The following HOOK3 variants were observed in gnomAD, a reference collection of about 807,000 sequenced individuals.
HOOK3 encodes protein Hook homolog 3.
In HOOK3, 24 loss-of-function variants were observed where a neutral mutation model predicts 116.3. The observed-to-expected ratio is 0.21, with a 90% CI of 0.15 to 0.29. The LOEUF (loss-of-function observed/expected upper bound fraction) is 0.29, where lower values mean the gene tolerates loss of function less well. Ranked by LOEUF, HOOK3 falls within the 10% of genes least tolerant of loss-of-function variation. The pLI, the probability that HOOK3 is intolerant of heterozygous loss-of-function variation, is 1.00. For synonymous variants in HOOK3, 275 were observed against 283.0 expected (o/e 0.97, Z 0.28); for missense variants, 632 against 830.2 (o/e 0.76, Z 2.93).
intron 3 of HOOK3, among the ~76,000 whole-genome samples, chr8:42,929,576 A>G (rs904806027): frequency 9.9e-5 from 15 of 152,260 alleles, no homozygotes; most frequent in Non-Finnish European, 2.2e-4. Flanking sequence ...TTCACCTAAC[A>G]TTATGGCTCA....
At chr8:42,988,331 ATTTT>A (rs1809088061) in intron 15 of HOOK3, among the ~76,000 whole-genome samples, 3 of 152,142 alleles carry the variant, frequency 2.0e-5, no homozygotes, top group Non-Finnish European at 4.4e-5. Context: ...TCTGGGCTGT[ATTTT>A]AGCCATTTTA....
chr8:42,933,330 C>A (rs1448178244), intron 4 of HOOK3, among the ~76,000 whole-genome samples: 1 of 152,172 alleles, frequency 6.6e-6, no homozygotes, highest in African/African-American at 2.4e-5. Context: ...TTTCAGATCC[C>A]AATCCTTTAG....
intron 15 of HOOK3, among the ~76,000 whole-genome samples, chr8:42,996,435 G>A (rs1470569188): frequency 2.6e-5 from 4 of 151,514 alleles, no homozygotes; most frequent in African/African-American, 4.9e-5. Flanking sequence ...AAGTCAAGCC[G>A]TGGAATCAGC....
Position 42,999,597 on chromosome 8 carries a change from G to A in HOOK3, c.1620+1960G>A, listed in dbSNP as rs1809342060. 3.3e-5 allele frequency among the ~76,000 whole-genome samples: 5 copies of A among 152,310 alleles called. No individual in the cohort carries two copies. In the South Asian group the frequency reaches 6.2e-4, roughly 19 times the overall value. On this transcript the variant is annotated intron_variant, in intron 16 of 21. Transcript: ENST00000307602. ...CCTGCCAAAGGAAGTGGTCCCCTCT[G>A]GAGAAGAACAACATAATTTCTGCCA...
chr8:42,939,122 A>G (rs1247286641), intron 4 of HOOK3, among the ~76,000 whole-genome samples: 2 of 152,244 alleles, frequency 1.3e-5, no homozygotes, highest in Non-Finnish European at 2.9e-5. Context: ...ACCTCTTTCT[A>G]CACAGACAAC....
chr8:42,964,256 A>C (rs769211077), intron 8 of HOOK3, 55 bp from the exon 9 acceptor site: 1 of 1,528,380 alleles, frequency 6.5e-7, no homozygotes, highest in Non-Finnish European at 9.0e-7. Context: ...CAAGTGATTG[A>C]GCTGATGCCA....
At chr8:42,900,293 A>G (rs747660199) in intron 1 of HOOK3, among the ~76,000 whole-genome samples, 18 of 152,250 alleles carry the variant, frequency 1.2e-4, no homozygotes, top group Middle Eastern at 6.8e-3. Context: ...TGCCCTGCCA[A>G]TTACACCTGT....
rs893833061 is a variant in HOOK3, at chr8:43,028,357, T to TA, written c.*9868dup. On this transcript the variant is annotated 3_prime_UTR_variant, in exon 22 of 22. Transcript: ENST00000307602. The stretch of plus-strand genomic sequence containing the variant: ...GGTGGCAAAGCAAGACCCCTGTCTC[T>TA]AAAAAAAAATAATATAAATTGATGT... The TA allele has an allele frequency of 2.1e-3, 376 of 177,866 alleles. No homozygotes were observed. Among genetic ancestry groups the TA allele is most frequent in the East Asian group, 0.014 (141 of 10,422 alleles). The allele number at this position is 177,866 out of a possible 1,614,324, so 11.0% of individuals were successfully genotyped here. A position where few individuals can be genotyped will look rare whatever the true frequency, so the allele number is the denominator to read the frequency against.
At chr8:42,990,309 A>C (rs1384795718) in intron 15 of HOOK3, among the ~76,000 whole-genome samples, 1 of 137,508 alleles carries the variant, frequency 7.3e-6, no homozygotes, top group Non-Finnish European at 1.6e-5. Flanking sequence ...TTTGAGAAAT[A>C]AATATCTGTT....
Position 43,018,340 on chromosome 8 carries a change from T to C in HOOK3, c.2017-18T>C. 1 of 1,552,232 alleles carries C rather than the reference T, an allele frequency of 6.4e-7. No individual in the cohort carries two copies. The highest frequency in any genetic ancestry group is 8.7e-7 in the Non-Finnish European group (1 of 1,151,894). On this transcript the variant is annotated intron_variant, in intron 21 of 21. Transcript: ENST00000307602. The stretch of plus-strand genomic sequence containing the variant: ...CACTATTTTTTCATTGATTCCTTTT[T>C]TTGTTTTAATGTTGCAGGGAATGAC...
At chr8:42,924,963 C>T (rs1425206283) in intron 2 of HOOK3, among the ~76,000 whole-genome samples, 3 of 150,868 alleles carry the variant, frequency 2.0e-5, no homozygotes, top group African/African-American at 4.9e-5. Context: ...AGTGACGGAG[C>T]GAGACTCTGT....
rs200253742 is a variant in HOOK3 at position 42,906,153 on chromosome 8, C to A, written c.58-20C>A. 211 of 1,112,700 alleles carry A rather than the reference C, an allele frequency of 1.9e-4. 7 individuals are homozygous for A. In the East Asian group the frequency reaches 4.0e-3, roughly 21 times the overall value. 68.9% of individuals were successfully genotyped at this position (1,112,700 alleles called of 1,614,324 possible). A position where few individuals can be genotyped will look rare whatever the true frequency, so the allele number is the denominator to read the frequency against. On this transcript the variant is annotated intron_variant, in intron 1 of 21. Coordinates refer to ENST00000307602, the MANE Select transcript of HOOK3 (RefSeq NM_032410.4). ...GGTAACCACAGAATCTCTCCCCCCC[C>A]CCTCTTTTTTTCCCTTCAGATCCAG...
intron 2 of HOOK3, among the ~76,000 whole-genome samples, chr8:42,911,873 G>A (rs1167453758): frequency 6.6e-6 from 1 of 152,166 alleles, no homozygotes; most frequent in Non-Finnish European, 1.5e-5. Flanking sequence ...TAGTTTGGGG[G>A]ACATCAAATC....
At chr8:42,925,734 A>G (rs1807753454) in intron 3 of HOOK3, 105 bp downstream of exon 3, 1 of 685,694 alleles carries the variant, frequency 1.5e-6, no homozygotes, top group African/African-American at 1.8e-5. Flanking sequence ...AAGCTTAGGT[A>G]GCCTGTAATG....
At chr8:43,002,650 A>G (rs564000051) in intron 17 of HOOK3, among the ~76,000 whole-genome samples, 83 of 152,314 alleles carry the variant, frequency 5.4e-4, no homozygotes, top group African/African-American at 1.8e-3. Flanking sequence ...AGCTTAATCT[A>G]TTTATTTAAA....
chr8:42,953,255 TA>T (rs71231878), intron 6 of HOOK3, among the ~76,000 whole-genome samples: 7,337 of 107,390 alleles, frequency 0.068, 204 homozygotes, highest in South Asian at 0.1. Flanking sequence ...GAGTTTATCC[TA>T]AAAAAAAAAA....
chr8:43,004,608 G>A (rs560070298), intron 17 of HOOK3, among the ~76,000 whole-genome samples: 79 of 146,960 alleles, frequency 5.4e-4, no homozygotes, highest in Non-Finnish European at 3.6e-4. Flanking sequence ...TTGAACCTGG[G>A]AGGCAGAGGT....
chr8:42,900,671 A>G (rs970748947), intron 1 of HOOK3, among the ~76,000 whole-genome samples: 7 of 152,260 alleles, frequency 4.6e-5, no homozygotes, highest in Admixed American at 3.9e-4. Flanking sequence ...ATAGTATAGC[A>G]TAAGAGTACA....
chr8:42,940,301 G>T (rs984831738), intron 4 of HOOK3, among the ~76,000 whole-genome samples: 2 of 152,234 alleles, frequency 1.3e-5, no homozygotes, highest in African/African-American at 2.4e-5. Flanking sequence ...CCAACACAGC[G>T]AAACCCCGTC....
Sources: allele counts gnomAD v4.1 joint callset (sites outside exome capture counted in the v4.1 genomes callset), GRCh38; gene constraint gnomAD v4.1.1; transcripts MANE v1.5; gene names NCBI Gene and HGNC (gene_info 2026-07-23, HGNC 2026-07-21).